Variants in KAZN observed in about 807,000 individuals in gnomAD.
KAZN encodes the protein kazrin, periplakin interacting protein.
A neutral mutation model predicts 87.4 loss-of-function variants in KAZN; 40 were observed. That is an observed-to-expected ratio of 0.46 (90% CI 0.36 to 0.60). The LOEUF (loss-of-function observed/expected upper bound fraction) is 0.60, where lower values mean the gene tolerates loss of function less well. KAZN is among the 20% of genes least tolerant of loss of function. KAZN has a pLI of 0.00. For missense variants in KAZN, 898 were observed against 1,073.9 expected (o/e 0.84, Z 2.29); for synonymous variants, 466 against 458.3 (o/e 1.02, Z -0.22).
Position 14,960,830 on chromosome 1 carries a change from G to A in KAZN, c.373G>A (p.Ala125Thr). ...GGCCACCGAGCTCAGGGTCCAGCTG[G>A]CCCAGAAGGAGCAGGAGCTAGCCAG... Reference protein sequence around the residue: ...LSATELRVQLAQKEQELARAK... With the variant: ...LSATELRVQLTQKEQELARAK... Residue 125 changes from alanine (A) to threonine (T), a missense_variant, in exon 2 of 15, where the codon GCC becomes ACC. By Grantham distance (58) the Ala-to-Thr change is moderately conservative (BLOSUM62 0). Coordinates refer to ENST00000376030, the MANE Select transcript of KAZN (RefSeq NM_201628.3). 6.2e-7 allele frequency: 1 copy of A among 1,612,906 alleles called. No individual in the cohort carries two copies. The highest frequency in any genetic ancestry group is 1.8e-4 in the Middle Eastern group (1 of 5,624).
intron 1 of KAZN, among the ~76,000 whole-genome samples, chr1:14,920,558 G>C (rs1459222958): frequency 1.3e-5 from 2 of 152,126 alleles, no homozygotes; most frequent in African/African-American, 2.4e-5. Context: ...GACAGAGTGA[G>C]CCAAGTTGTA....
chr1:14,333,927 G>A (rs11800622), intron 2 of KAZN, among the ~76,000 whole-genome samples: 141 of 152,250 alleles, frequency 9.3e-4, no homozygotes, highest in African/African-American at 2.4e-3. Flanking sequence ...GAGAGGGAAG[G>A]ACTGAGGCCA....
intron 1 of KAZN, among the ~76,000 whole-genome samples, chr1:14,757,700 C>T (rs1644607252): frequency 6.6e-6 from 1 of 152,156 alleles, no homozygotes; most frequent in African/African-American, 2.4e-5. Flanking sequence ...GCAGTAGTCC[C>T]CTGGCACTGT....
At chr1:13,896,640 C>T (rs906736323) in intron 1 of KAZN, among the ~76,000 whole-genome samples, 1 of 152,138 alleles carries the variant, frequency 6.6e-6, no homozygotes, top group Middle Eastern at 3.2e-3. Flanking sequence ...AAAGGAAATA[C>T]ACAGGGGTTG....
intron 2 of KAZN, among the ~76,000 whole-genome samples, chr1:15,018,653 G>C (rs1048678376): frequency 6.6e-6 from 1 of 151,838 alleles, no homozygotes; most frequent in Non-Finnish European, 1.5e-5. Context: ...AGTAGTTGTG[G>C]GGGTCTCACA....
chr1:14,846,892 C>T (rs1336775081), intron 1 of KAZN, among the ~76,000 whole-genome samples: 1 of 152,178 alleles, frequency 6.6e-6, no homozygotes, highest in Non-Finnish European at 1.5e-5. Flanking sequence ...AGCCAGCAAG[C>T]AGCAGACCCA....
intron 2 of KAZN, among the ~76,000 whole-genome samples, chr1:14,979,595 C>T (rs1666029301): frequency 6.6e-6 from 1 of 151,974 alleles, no homozygotes; most frequent in African/African-American, 2.4e-5. Flanking sequence ...CATGCAAAGC[C>T]CATCCTTGGG....
chr1:14,769,089 C>T lies in KAZN; in HGVS notation c.226+169866C>T, dbSNP rs187940689. On this transcript the variant is annotated intron_variant, in intron 1 of 14. Transcript: ENST00000376030. This position sits in a 1 kb window ranked among gnomAD's most constrained non-coding sequence, Gnocchi z 4.1. ...GCAAAGAGCCCATTTGAAGGCTCAA[C>T]CCTTTAGAGCTCCCTTTGCTGTCCA... 6.6e-6 allele frequency among the ~76,000 whole-genome samples: 1 copy of T among 152,296 alleles called. No individual in the cohort carries two copies. Among genetic ancestry groups the T allele is most frequent in the East Asian group, 1.9e-4 (1 of 5,176 alleles).
rs532250152 is a variant in KAZN, at chr1:15,105,980, G to A, written c.2048+1791G>A. 1.3e-4 allele frequency among the ~76,000 whole-genome samples: 20 copies of A among 152,290 alleles called. No individual in the cohort carries two copies. The South Asian group carries it at 4.0e-3, about 30-fold the overall frequency. On this transcript the variant is annotated intron_variant, in intron 13 of 14. Transcript: ENST00000376030. ...GGTGCTTCTTACAGAGACAATGTTT[G>A]ATAAGAACTCTGTTTTAGGCCAGGC...
intron 2 of KAZN, among the ~76,000 whole-genome samples, chr1:14,193,905 T>C (rs746470067): frequency 6.6e-6 from 1 of 152,094 alleles, no homozygotes; most frequent in Non-Finnish European, 1.5e-5. Flanking sequence ...GCATTTGCTG[T>C]AGGTGGTATC....
chr1:14,844,935 T>C (rs1051584292), intron 1 of KAZN, among the ~76,000 whole-genome samples: 20 of 151,994 alleles, frequency 1.3e-4, no homozygotes, highest in Non-Finnish European at 2.9e-5. Context: ...GATGGGTGGA[T>C]GGCTGTATAA....
chr1:14,798,691 C>T lies in KAZN; in HGVS notation c.227-161993C>T, dbSNP rs374007464. On this transcript the variant is annotated intron_variant, in intron 1 of 14. Coordinates refer to ENST00000376030, the MANE Select transcript of KAZN (RefSeq NM_201628.3). ...CCTCATGATCCTCCCGCCTCAGCCT[C>T]CCAGAGTGCTGGGATTACAGGCGTG... Among the ~76,000 whole-genome samples the T allele has an allele frequency of 4.5e-4, 68 of 152,298 alleles. No homozygotes were observed. In the East Asian group the frequency reaches 0.012, roughly 27 times the overall value.
chr1:14,386,923 C>G (rs1039126380), intron 2 of KAZN, among the ~76,000 whole-genome samples: 2 of 152,304 alleles, frequency 1.3e-5, no homozygotes, highest in East Asian at 1.9e-4. Flanking sequence ...CAACTTGGTT[C>G]CATTCTCCCC....
chr1:14,176,219 G>A (rs116488440), intron 1 of KAZN, among the ~76,000 whole-genome samples: 3,825 of 152,056 alleles, frequency 0.025, 164 homozygotes, highest in African/African-American at 0.087. Context: ...GGTTCTCAGG[G>A]AGCTTATGTA....
intron 1 of KAZN, among the ~76,000 whole-genome samples, chr1:13,989,423 G>A (rs1470542933): frequency 3.3e-5 from 5 of 152,092 alleles, no homozygotes; most frequent in Admixed American, 1.3e-4. Context: ...AGAGAAACAA[G>A]CATCACATGA....
chr1:14,420,711 G>C (rs1665345334), intron 2 of KAZN, among the ~76,000 whole-genome samples: 1 of 152,170 alleles, frequency 6.6e-6, no homozygotes, highest in African/African-American at 2.4e-5. Flanking sequence ...TCTCTGCTGG[G>C]GGACCTGGCG....
intron 1 of KAZN, among the ~76,000 whole-genome samples, chr1:14,707,214 C>G (rs902608533): frequency 6.6e-6 from 1 of 152,172 alleles, no homozygotes; most frequent in Non-Finnish European, 1.5e-5. Context: ...TGTGTCAGCA[C>G]AGGGCATGGA....
intron 1 of KAZN, among the ~76,000 whole-genome samples, chr1:14,019,749 AG>A (rs1170964822): frequency 6.6e-6 from 1 of 152,128 alleles, no homozygotes; most frequent in Non-Finnish European, 1.5e-5. Context: ...GGTGGAGCCC[AG>A]AACAAAGAGT....
In KAZN at chr1:15,066,141, T is replaced by C; in HGVS notation, c.1222+388T>C. 9.6e-7 allele frequency: 1 copy of C among 1,042,094 alleles called. No individual in the cohort carries two copies. The highest frequency in any genetic ancestry group is 1.2e-6 in the Non-Finnish European group (1 of 867,082). The allele number at this position is 1,042,094 out of a possible 1,614,324, so 64.6% of individuals were successfully genotyped here. ...TTTTCTTTTTGTTTGGTTCGTCGGTTTGTTTTTGTTTTTGTTTTTTTCCCC... is the reference window on the plus strand; with the variant it reads ...TTTTCTTTTTGTTTGGTTCGTCGGTCTGTTTTTGTTTTTGTTTTTTTCCCC... On this transcript the variant is annotated intron_variant, in intron 8 of 14. Coordinates refer to ENST00000376030, the MANE Select transcript of KAZN (RefSeq NM_201628.3). The surrounding 1 kb of genome is among the most constrained non-coding windows in gnomAD (Gnocchi z 4.3).
Sources: allele counts gnomAD v4.1 joint callset (sites outside exome capture counted in the v4.1 genomes callset), GRCh38; gene constraint gnomAD v4.1.1; non-coding constraint Gnocchi (gnomAD v3.1); transcripts MANE v1.5; gene names NCBI Gene and HGNC (gene_info 2026-07-23, HGNC 2026-07-21).